CNGB1: variants seen among roughly 807,000 people sequenced by gnomAD.
The protein encoded by CNGB1 is cyclic nucleotide-gated channel beta-1.
CNGB1 carries 126 observed loss-of-function variants against 151.7 expected under a neutral mutation model. That is an observed-to-expected ratio of 0.83 (90% CI 0.72 to 0.96). The LOEUF (loss-of-function observed/expected upper bound fraction) is 0.96. CNGB1 is among the 40% of genes least tolerant of loss of function. CNGB1 has a pLI of 0.00. For synonymous variants in CNGB1, 623 were observed against 635.1 expected, an observed-to-expected ratio of 0.98 and a Z score of 0.29; for missense variants, 1,698 against 1,627.0, an observed-to-expected ratio of 1.04 and a Z score of -0.75.
At position 57,901,415 on chromosome 16, in the gene CNGB1, G is replaced by T; in HGVS notation, c.2913C>A (p.Ile971=). 1 of 1,614,232 alleles carries T rather than the reference G, an allele frequency of 6.2e-7. No homozygotes were observed. Among genetic ancestry groups the T allele is most frequent in the Non-Finnish European group, 8.5e-7 (1 of 1,180,052 alleles). Residue 971 remains isoleucine (I), a synonymous_variant, in exon 29 of 33, where the codon ATC becomes ATA. Coordinates refer to ENST00000251102, the MANE Select transcript of CNGB1 (RefSeq NM_001297.5). ...AGCGAAGCCTCTTCAGCATGTCAAA[G>T]ATCATCTGCCGGTCACAGCCCTGTC... ...ALFQGCDRQM[I]FDMLKRLRSV... is the part of the protein sequence containing the mutation.
intron 14 of CNGB1, among the ~76,000 whole-genome samples, chr16:57,947,598 G>A (rs1162605320): frequency 2.6e-5 from 4 of 152,198 alleles, no homozygotes; most frequent in African/African-American, 9.7e-5. Flanking sequence ...GAGAGGTTGT[G>A]AGCTCCCCGT....
chr16:57,932,567 T>A (rs1378885383), intron 16 of CNGB1, among the ~76,000 whole-genome samples: 1 of 151,368 alleles, frequency 6.6e-6, no homozygotes, highest in African/African-American at 2.4e-5. Flanking sequence ...CACGCCCGGC[T>A]AGTTTTTGTT....
rs531364050 is a variant in CNGB1 at position 57,939,420 on chromosome 16, C to T, written c.1372+10G>A. 2 of 1,614,062 alleles carry T rather than the reference C, an allele frequency of 1.2e-6. No individual in the cohort carries two copies. Among genetic ancestry groups the T allele is most frequent in the Admixed American group, 1.7e-5 (1 of 60,026 alleles). ...CTTGCGCAACCCATCACCACCACCA[C>T]CACACCTACCTCCTGAACTGGCAGC... On this transcript the variant is annotated intron_variant, in intron 16 of 32. Transcript: ENST00000251102.
intron 18 of CNGB1, 183 bp downstream of exon 18, chr16:57,923,090 A>T (rs8051647): frequency 0.057 from 28,400 of 497,370 alleles, 4,602 homozygotes; most frequent in African/African-American, 0.41. Context: ...CACTGGATTT[A>T]ACAGGACTCC....
chr16:57,958,583 C>T, intron 10 of CNGB1, 98 bp from the exon 11 acceptor site: 1 of 1,107,360 alleles, frequency 9.0e-7, no homozygotes, highest in Non-Finnish European at 1.4e-6. Flanking sequence ...ACAAGCCTGC[C>T]AAAAGGCAGA....
At position 57,920,537 on chromosome 16, in the gene CNGB1, C is replaced by G. The variant is rs2149366569; in HGVS notation, c.1651G>C (p.Asp551His). 1 of 1,612,784 alleles carries G rather than the reference C, an allele frequency of 6.2e-7. No homozygotes were observed. Among genetic ancestry groups the G allele is most frequent in the Non-Finnish European group, 8.5e-7 (1 of 1,180,032 alleles). ...PTTPKDTDGQ[D>H]RAASTASTNS... is the part of the protein sequence containing the mutation. ...GTGCTGGCCGTGGAGGCCGCACGGT[C>G]CTGGCCACTGTGGGAACATCACCCA... Residue 551 changes from aspartate (D) to histidine (H), a missense_variant, in exon 19 of 33, where the codon GAC becomes CAC. Coordinates refer to ENST00000251102, the MANE Select transcript of CNGB1 (RefSeq NM_001297.5).
intron 23 of CNGB1, among the ~76,000 whole-genome samples, chr16:57,913,930 C>G (rs1244803376): frequency 6.6e-6 from 1 of 152,226 alleles, no homozygotes; most frequent in African/African-American, 2.4e-5. Context: ...CATTCCAACC[C>G]AGGCCAGACT....
At chr16:57,888,675 C>G (rs1473086567) in intron 31 of CNGB1, among the ~76,000 whole-genome samples, 1 of 152,098 alleles carries the variant, frequency 6.6e-6, no homozygotes. Flanking sequence ...TGGTCTCAAA[C>G]TCCTGGGCTC....
At chr16:57,895,551 TTATA>T (rs59948135) in intron 31 of CNGB1, among the ~76,000 whole-genome samples, 2 of 147,416 alleles carry the variant, frequency 1.4e-5, no homozygotes, top group African/African-American at 2.5e-5. Flanking sequence ...TATGTATTTT[TTATA>T]TATATATATA....
At chr16:57,954,841 G>C (rs2149383783) in intron 12 of CNGB1, 1 of 993,712 alleles carries the variant, frequency 1.0e-6, no homozygotes, top group South Asian at 4.5e-5. Flanking sequence ...ACCACACTGG[G>C]GGCTGTGCAC....
intron 16 of CNGB1, among the ~76,000 whole-genome samples, chr16:57,939,084 G>C (rs1283209428): frequency 2.0e-5 from 3 of 152,180 alleles, no homozygotes; most frequent in African/African-American, 7.2e-5. Flanking sequence ...AGGCTGGCAG[G>C]AGGGACTGGC....
chr16:57,959,042 T>G (rs1962169164), intron 10 of CNGB1, among the ~76,000 whole-genome samples: 1 of 151,680 alleles, frequency 6.6e-6, no homozygotes, highest in South Asian at 2.1e-4. Flanking sequence ...CATGAGCCAC[T>G]GCACCCAGCC....
intron 16 of CNGB1, among the ~76,000 whole-genome samples, chr16:57,934,306 G>GA (rs1343065820): frequency 6.6e-6 from 1 of 152,104 alleles, no homozygotes; most frequent in East Asian, 1.9e-4. Flanking sequence ...AAATCGGCTG[G>GA]TCACAGTGTT....
intron 2 of CNGB1, among the ~76,000 whole-genome samples, chr16:57,966,832 A>G: frequency 6.6e-6 from 1 of 152,198 alleles, no homozygotes; most frequent in South Asian, 2.1e-4. Context: ...CATTACCTAT[A>G]ACTGTTTTCA....
chr16:57,957,256 C>T (rs1193463914), intron 12 of CNGB1, 85 bp downstream of exon 12: 1 of 1,316,622 alleles, frequency 7.6e-7, no homozygotes, highest in Admixed American at 1.7e-5. Flanking sequence ...CAGGGACAGC[C>T]CCCCTGCCCA....
At chr16:57,950,329 G>A in intron 13 of CNGB1, 52 bp downstream of exon 13, 1 of 1,602,872 alleles carries the variant, frequency 6.2e-7, no homozygotes, top group South Asian at 1.1e-5. Flanking sequence ...CTGCATGCTT[G>A]GCACTTTCTC....
Position 57,883,645 on chromosome 16 carries a change from T to G in CNGB1, c.*519A>C, listed in dbSNP as rs1419752092. Reference sequence around the variant, plus strand: ...TGTTGCCCAGTCTGCTCTCCAACTCTTGGCCTCCAGTGATCCTCCTGCTTC... The same window carrying G: ...TGTTGCCCAGTCTGCTCTCCAACTCGTGGCCTCCAGTGATCCTCCTGCTTC... On this transcript the variant is annotated 3_prime_UTR_variant, in exon 33 of 33. Transcript: ENST00000251102. The G allele has an allele frequency of 1.1e-5, 2 of 182,740 alleles. No homozygotes were observed. The highest frequency in any genetic ancestry group is 4.8e-5 in the African/African-American group (2 of 41,724). The allele number at this position is 182,740 out of a possible 1,614,324, so 11.3% of individuals were successfully genotyped here. A position where few individuals can be genotyped will look rare whatever the true frequency, so the allele number is the denominator to read the frequency against.
At chr16:57,960,804 A>C (rs373652876) in intron 8 of CNGB1, 36 bp downstream of exon 8, 6 of 1,604,820 alleles carry the variant, frequency 3.7e-6, no homozygotes, top group Non-Finnish European at 5.1e-6. Context: ...GCCCCCCCAT[A>C]TACTCAACTC....
chr16:57,959,854 CCT>C, intron 10 of CNGB1, 32 bp downstream of exon 10: 6 of 1,474,080 alleles, frequency 4.1e-6, no homozygotes, highest in Non-Finnish European at 5.4e-6. Flanking sequence ...CATCCTGCTC[CCT>C]GGTGGGAGGC....
Sources: allele counts gnomAD v4.1 joint callset (sites outside exome capture counted in the v4.1 genomes callset), GRCh38; gene constraint gnomAD v4.1.1; transcripts MANE v1.5; gene names NCBI Gene and HGNC (gene_info 2026-07-23, HGNC 2026-07-21).